The following KYAT1 variants were observed in gnomAD, a reference collection of about 807,000 sequenced individuals.
KYAT1 encodes the protein kynurenine--oxoglutarate transaminase 1.
A neutral mutation model predicts 52.4 loss-of-function variants in KYAT1; 47 were observed. That is an observed-to-expected ratio of 0.90 (90% CI 0.71 to 1.14). KYAT1 has a LOEUF of 1.14. KYAT1 is among the 50% of genes most tolerant of loss of function. The pLI, the probability that KYAT1 is intolerant of heterozygous loss-of-function variation, is 0.00. For synonymous variants in KYAT1, 212 were observed against 209.6 expected, an observed-to-expected ratio of 1.01 and a Z score of -0.10; for missense variants, 480 against 557.9, an observed-to-expected ratio of 0.86 and a Z score of 1.41.
chr9:128,844,412 G>C (rs1832739113), intron 2 of KYAT1, among the ~76,000 whole-genome samples: 1 of 152,040 alleles, frequency 6.6e-6, no homozygotes, highest in African/African-American at 2.4e-5. Context: ...CAGGCACAGT[G>C]GCTCATGCCT....
Position 128,835,788 on chromosome 9 carries a change from C to T in KYAT1, c.846G>A (p.Thr282=), listed in dbSNP as rs202219883. ...VHQNSVFHCP[T]QSQAAVAESF... ...TCCTGCCCCTCTTCACCTGGCTCTGCGTGGGGCAGTGGAAGACGGAGTTCT... is the reference window on the plus strand; with the variant it reads ...TCCTGCCCCTCTTCACCTGGCTCTGTGTGGGGCAGTGGAAGACGGAGTTCT... The change falls in exon 9 of 13, where the codon ACG becomes ACA. Residue 282 remains threonine (T), a synonymous_variant. Transcript: ENST00000302586. The T allele has an allele frequency of 1.7e-5, 27 of 1,612,782 alleles. No individual in the cohort carries two copies. In the East Asian group the frequency reaches 2.2e-4, roughly 13 times the overall value.
At chr9:128,846,419 A>G (rs1833100730) in intron 1 of KYAT1, among the ~76,000 whole-genome samples, 2 of 151,572 alleles carry the variant, frequency 1.3e-5, no homozygotes, top group South Asian at 2.1e-4. Context: ...ATTAGAGTGA[A>G]ACTCAGTCTG....
chr9:128,835,726 C>T, intron 9 of KYAT1, 53 bp downstream of exon 9: 2 of 1,604,520 alleles, frequency 1.2e-6, no homozygotes, highest in East Asian at 2.2e-5. Context: ...GGGGGCCAGC[C>T]TGGGCTCTTT....
chr9:128,844,293 C>T (rs1393320853), intron 2 of KYAT1, among the ~76,000 whole-genome samples: 1 of 152,116 alleles, frequency 6.6e-6, no homozygotes, highest in Non-Finnish European at 1.5e-5. Flanking sequence ...CTGTATTCCC[C>T]AGCACTTTGG....
intron 1 of KYAT1, among the ~76,000 whole-genome samples, chr9:128,856,296 A>G (rs1271259213): frequency 6.6e-6 from 1 of 152,132 alleles, no homozygotes; most frequent in African/African-American, 2.4e-5. Context: ...GGTTAAAACC[A>G]CTGGAAGTTC....
At position 128,838,132 on chromosome 9, in the gene KYAT1, G is replaced by C. The variant is rs567795695; in HGVS notation, c.357C>G (p.Ile119Met). The C allele has an allele frequency of 3.7e-6, 6 of 1,614,156 alleles. No individual in the cohort carries two copies. The South Asian group carries it at 6.6e-5, about 18-fold the overall frequency. The stretch of plus-strand genomic sequence containing the variant: ...AGCAGTCAAAAAAGGGTTCGATGAT[G>C]ATGACCTGATATAAGGGTCAAATCA... ...QALVDEGDEV[I>M]IIEPFFDCYE... The change falls in exon 5 of 13, where the codon ATC (isoleucine) becomes ATG (methionine). Residue 119 changes from isoleucine (I) to methionine (M), a missense_variant. Ile to Met is a conservative substitution (Grantham distance 10). Coordinates refer to ENST00000302586, the MANE Select transcript of KYAT1 (RefSeq NM_004059.5).
chr9:128,873,935 A>T (rs1292087287), intron 1 of KYAT1, among the ~76,000 whole-genome samples: 3 of 113,464 alleles, frequency 2.6e-5, no homozygotes, highest in Non-Finnish European at 3.7e-5. Context: ...GACAGAGCAA[A>T]TCTCCGTCTC....
At chr9:128,847,418 G>A (rs1459702838) in intron 1 of KYAT1, 5 of 1,518,616 alleles carry the variant, frequency 3.3e-6, no homozygotes, top group Non-Finnish European at 4.4e-6. Flanking sequence ...AGAGTATTGG[G>A]GTTAGGGCAC....
chr9:128,838,369 T>C lies in KYAT1; in HGVS notation c.202-2A>G. 6.2e-7 allele frequency: 1 copy of C among 1,614,104 alleles called. No homozygotes were observed. Among genetic ancestry groups the C allele is most frequent in the Non-Finnish European group, 8.5e-7 (1 of 1,180,026 alleles). On this transcript the variant is annotated splice_acceptor_variant, in intron 3 of 12. Transcript: ENST00000302586. LOFTEE classifies it high-confidence loss of function. ...GATCTTCGTCAGTGGTGGGTAACCCTGCCAGGACAGCAGGGGTTAACTGTC... is the reference window on the plus strand; with the variant it reads ...GATCTTCGTCAGTGGTGGGTAACCCCGCCAGGACAGCAGGGGTTAACTGTC...
At chr9:128,844,850 G>C (rs1832822782) in intron 2 of KYAT1, among the ~76,000 whole-genome samples, 1 of 152,138 alleles carries the variant, frequency 6.6e-6, no homozygotes, top group Non-Finnish European at 1.5e-5. Context: ...GGCGACAAGG[G>C]CAAAACTCCG....
At chr9:128,875,116 T>C (rs1837788157) in intron 1 of KYAT1, among the ~76,000 whole-genome samples, 1 of 152,198 alleles carries the variant, frequency 6.6e-6, no homozygotes, top group African/African-American at 2.4e-5. Context: ...TTTATGTTGA[T>C]AAGTTTGCCT....
chr9:128,858,266 A>G (rs183574934), intron 1 of KYAT1, among the ~76,000 whole-genome samples: 1 of 151,662 alleles, frequency 6.6e-6, no homozygotes, highest in Non-Finnish European at 1.5e-5. Flanking sequence ...GCGAAGTCAC[A>G]TGCACCTGTA....
intron 3 of KYAT1, among the ~76,000 whole-genome samples, chr9:128,841,901 C>T (rs1832255052): frequency 6.6e-6 from 1 of 151,874 alleles, no homozygotes; most frequent in African/African-American, 2.4e-5. Context: ...GGGAGGATCA[C>T]ATGAGCCCCA....
intron 1 of KYAT1, chr9:128,846,577 C>A: frequency 9.2e-6 from 8 of 871,772 alleles, no homozygotes; most frequent in Non-Finnish European, 1.3e-5. Flanking sequence ...CACTCCTGCC[C>A]GACCCAACGA....
chr9:128,837,525 CCT>C (rs1831334365), intron 6 of KYAT1, among the ~76,000 whole-genome samples, 158 bp downstream of exon 6: 1 of 152,224 alleles, frequency 6.6e-6, no homozygotes, highest in Non-Finnish European at 1.5e-5. Flanking sequence ...GATTCTTGCC[CCT>C]GTCCTGGGAC....
At chr9:128,851,311 G>A (rs1833928341) in intron 1 of KYAT1, among the ~76,000 whole-genome samples, 1 of 152,178 alleles carries the variant, frequency 6.6e-6, no homozygotes, top group Admixed American at 6.5e-5. Flanking sequence ...GACAGCTGAT[G>A]AGAGATTCCC....
At chr9:128,865,359 A>ATTTTTTTT (rs776787253) in intron 1 of KYAT1, among the ~76,000 whole-genome samples, 4 of 27,312 alleles carry the variant, frequency 1.5e-4, no homozygotes, top group Non-Finnish European at 2.1e-4. Context: ...ATATATATAT[A>ATTTTTTTT]TTTTTTTTTT....
intron 1 of KYAT1, among the ~76,000 whole-genome samples, chr9:128,864,422 A>T (rs564729745): frequency 6.6e-6 from 1 of 151,662 alleles, no homozygotes; most frequent in African/African-American, 2.4e-5. Flanking sequence ...AAATACACAT[A>T]TCATAAACTT....
At chr9:128,843,741 C>T (rs1832622131) in intron 2 of KYAT1, among the ~76,000 whole-genome samples, 1 of 152,190 alleles carries the variant, frequency 6.6e-6, no homozygotes, top group South Asian at 2.1e-4. Flanking sequence ...GAAGCTTCAT[C>T]CTTCTTGGTG....
Sources: gnomAD v4.1 joint callset for allele counts (sites outside exome capture counted in the v4.1 genomes callset) on GRCh38, gnomAD v4.1.1 for gene constraint, MANE v1.5 for transcripts, NCBI Gene and HGNC (gene_info 2026-07-23, HGNC 2026-07-21) for gene names.